PKN2: variants seen among roughly 807,000 people sequenced by gnomAD.
PKN2 encodes serine/threonine-protein kinase N2.
PKN2 carries 38 observed loss-of-function variants against 119.1 expected under a neutral mutation model. The observed-to-expected ratio is 0.32, with a 90% CI of 0.25 to 0.42. PKN2 has a LOEUF of 0.42. Among genes scored for constraint, PKN2 ranks in the 10% least tolerant of loss-of-function variants. The pLI is 1.00. For missense variants in PKN2, 850 were observed against 1,165.1 expected (o/e 0.73, Z 3.94); for synonymous variants, 390 against 384.9 (o/e 1.01, Z -0.15).
intron 1 of PKN2, among the ~76,000 whole-genome samples, chr1:88,702,389 C>A (rs1009185559): frequency 1.5e-4 from 23 of 152,148 alleles, no homozygotes; most frequent in African/African-American, 5.6e-4. Context: ...AGAAAATTTT[C>A]TATTTTTCAT....
intron 4 of PKN2, among the ~76,000 whole-genome samples, chr1:88,771,013 ACT>A (rs1450255332): frequency 6.6e-6 from 1 of 151,720 alleles, no homozygotes; most frequent in East Asian, 1.9e-4. Context: ...ATTATCAAGT[ACT>A]TACAATCAGT....
chr1:88,779,711 G>C (rs1353562202), intron 6 of PKN2, among the ~76,000 whole-genome samples: 1 of 152,084 alleles, frequency 6.6e-6, no homozygotes, highest in Admixed American at 6.5e-5. Context: ...ATATTGCATA[G>C]CATACTATCA....
intron 1 of PKN2, among the ~76,000 whole-genome samples, chr1:88,698,530 T>C (rs1015585692): frequency 6.6e-6 from 1 of 152,220 alleles, no homozygotes. Flanking sequence ...TATAATCTTT[T>C]AGAGGCATCA....
intron 16 of PKN2, among the ~76,000 whole-genome samples, chr1:88,814,246 A>C (rs536314653): frequency 6.6e-6 from 1 of 152,108 alleles, no homozygotes; most frequent in East Asian, 1.9e-4. Flanking sequence ...CCTCCAGACA[A>C]AGAGATAAAA....
Position 88,684,467 on chromosome 1 carries a change from G to GTGT in PKN2, c.-113_-112insGTT. The GTGT allele has an allele frequency of 1.5e-6, 1 of 655,038 alleles. No individual in the cohort carries two copies. Among genetic ancestry groups the GTGT allele is most frequent in the Non-Finnish European group, 2.3e-6 (1 of 426,024 alleles). The allele number at this position is 655,038 out of a possible 1,614,324, so 40.6% of individuals were successfully genotyped here. On this transcript the variant is annotated 5_prime_UTR_variant, in exon 1 of 22. Coordinates refer to ENST00000370521, the MANE Select transcript of PKN2 (RefSeq NM_006256.4). ...GCTGCGCCTCCATGAATCCCTAGTTGTTTTTTTTTTTTTCTTTCTCTCCCC... is the reference window on the plus strand; with the variant it reads ...GCTGCGCCTCCATGAATCCCTAGTTGTGTTTTTTTTTTTTTTCTTTCTCTCCCC...
intron 16 of PKN2, among the ~76,000 whole-genome samples, chr1:88,817,490 C>T (rs1020422150): frequency 1.3e-5 from 2 of 151,244 alleles, no homozygotes; most frequent in East Asian, 3.9e-4. Flanking sequence ...GTTGGAGCAC[C>T]AGGTCAGGAT....
chr1:88,706,440 T>C (rs1193228263), intron 1 of PKN2, among the ~76,000 whole-genome samples: 3 of 152,162 alleles, frequency 2.0e-5, no homozygotes, highest in African/African-American at 7.2e-5. Flanking sequence ...AAGTTTTACT[T>C]CTTTGTAATC....
chr1:88,710,002 A>C (rs1474188601), intron 1 of PKN2, among the ~76,000 whole-genome samples: 3 of 152,166 alleles, frequency 2.0e-5, no homozygotes, highest in Non-Finnish European at 4.4e-5. Context: ...TTTTGGCATC[A>C]TCAAAAGAAA....
chr1:88,753,350 A>G (rs937280295), intron 2 of PKN2, among the ~76,000 whole-genome samples: 1 of 152,078 alleles, frequency 6.6e-6, no homozygotes, highest in African/African-American at 2.4e-5. Flanking sequence ...CCCAGAGTAC[A>G]TCCTTTCGCA....
At chr1:88,762,480 C>T (rs1389283746) in intron 3 of PKN2, among the ~76,000 whole-genome samples, 1 of 151,892 alleles carries the variant, frequency 6.6e-6, no homozygotes, top group African/African-American at 2.4e-5. Context: ...CAGAGTACAT[C>T]GTTTTAGATT....
chr1:88,805,639 T>C lies in PKN2; in HGVS notation c.1644T>C (p.Asp548=), dbSNP rs376747132. Reference sequence around the variant, plus strand: ...TGCCTACTACAGTGCCAGTGGTTGATGTACGCATCCCTCAACTAGCACCTC... The same window carrying C: ...TGCCTACTACAGTGCCAGTGGTTGACGTACGCATCCCTCAACTAGCACCTC... ...APVPTTVPVV[D]VRIPQLAPPA... is the part of the protein sequence containing the mutation. The change falls in exon 11 of 22, where the codon GAT becomes GAC. Residue 548 remains aspartate, a synonymous_variant. Coordinates refer to ENST00000370521, the MANE Select transcript of PKN2 (RefSeq NM_006256.4). 3 of 1,614,142 alleles carry C rather than the reference T, an allele frequency of 1.9e-6. No individual in the cohort carries two copies. The highest frequency in any genetic ancestry group is 1.7e-6 in the Non-Finnish European group (2 of 1,180,002).
intron 1 of PKN2, among the ~76,000 whole-genome samples, chr1:88,733,532 T>C (rs1227281207): frequency 6.6e-6 from 1 of 152,114 alleles, no homozygotes; most frequent in Non-Finnish European, 1.5e-5. Flanking sequence ...TTTGATCAGG[T>C]TATTTGTTTG....
chr1:88,808,255 C>T (rs1307117585), intron 15 of PKN2, among the ~76,000 whole-genome samples: 4 of 151,752 alleles, frequency 2.6e-5, no homozygotes, highest in Non-Finnish European at 2.9e-5. Context: ...ACGTCTGGGT[C>T]TAATAAAGTA....
At chr1:88,768,763 T>G (rs1456422927) in intron 3 of PKN2, among the ~76,000 whole-genome samples, 1 of 152,182 alleles carries the variant, frequency 6.6e-6, no homozygotes, top group Non-Finnish European at 1.5e-5. Flanking sequence ...ATTGATTCAT[T>G]TGTGTTGCTG....
At chr1:88,723,844 A>C (rs1026079162) in intron 1 of PKN2, among the ~76,000 whole-genome samples, 1 of 152,354 alleles carries the variant, frequency 6.6e-6, no homozygotes, top group South Asian at 2.1e-4. Flanking sequence ...TTTAAAACAC[A>C]GGATACTGAG....
intron 8 of PKN2, among the ~76,000 whole-genome samples, chr1:88,790,112 G>T (rs1365642189): frequency 6.6e-5 from 10 of 152,132 alleles, no homozygotes; most frequent in Non-Finnish European, 1.3e-4. Context: ...CCTTTCTGGG[G>T]CCTTACATCT....
intron 1 of PKN2, among the ~76,000 whole-genome samples, chr1:88,688,015 T>A (rs1666173548): frequency 6.6e-6 from 1 of 152,180 alleles, no homozygotes; most frequent in Non-Finnish European, 1.5e-5. Context: ...TCAAGAATGT[T>A]AAGGAAATTG....
At chr1:88,727,208 TG>T (rs1256590841) in intron 1 of PKN2, among the ~76,000 whole-genome samples, 2 of 152,016 alleles carry the variant, frequency 1.3e-5, no homozygotes, top group Non-Finnish European at 2.9e-5. Context: ...CTTTGAAGTC[TG>T]CTTTTTCCTG....
intron 11 of PKN2, 61 bp downstream of exon 11, chr1:88,805,732 G>T: frequency 6.2e-7 from 1 of 1,601,230 alleles, no homozygotes; most frequent in South Asian, 1.1e-5. Context: ...CTTACGTACT[G>T]ATTATAGCAG....
Sources: gnomAD v4.1 joint callset for allele counts (sites outside exome capture counted in the v4.1 genomes callset) on GRCh38, gnomAD v4.1.1 for gene constraint, MANE v1.5 for transcripts, NCBI Gene and HGNC (gene_info 2026-07-23, HGNC 2026-07-21) for gene names.